The following PRKCI variants were observed in gnomAD, a reference collection of about 807,000 sequenced individuals.
PRKCI encodes the protein protein kinase C iota type.
PRKCI carries 43 observed loss-of-function variants against 84.0 expected under a neutral mutation model. The ratio of observed to expected loss-of-function variants is 0.51; its 90% CI spans 0.40 to 0.66. PRKCI has a LOEUF of 0.66. PRKCI is among the 30% of genes least tolerant of loss of function. PRKCI has a pLI of 0.00. For missense variants in PRKCI, 459 were observed against 745.6 expected, an observed-to-expected ratio of 0.62 and a Z score of 4.48; for synonymous variants, 216 against 234.4, an observed-to-expected ratio of 0.92 and a Z score of 0.72.
intron 2 of PRKCI, among the ~76,000 whole-genome samples, chr3:170,250,378 TCA>T (rs1733410817): frequency 6.7e-6 from 1 of 149,508 alleles, no homozygotes; most frequent in Non-Finnish European, 1.5e-5. Flanking sequence ...TTTAGTATAA[TCA>T]CAGAGTTGTG....
At chr3:170,227,235 C>G (rs1732653433) in intron 1 of PRKCI, among the ~76,000 whole-genome samples, 1 of 152,056 alleles carries the variant, frequency 6.6e-6, no homozygotes, top group Non-Finnish European at 1.5e-5. Context: ...AAATTCCAGT[C>G]TTGCTTAAGA....
At chr3:170,257,444 A>G (rs1733611371) in intron 2 of PRKCI, among the ~76,000 whole-genome samples, 2 of 152,168 alleles carry the variant, frequency 1.3e-5, no homozygotes, top group African/African-American at 4.8e-5. Flanking sequence ...GAACATGGAG[A>G]AAGGATATGA....
intron 6 of PRKCI, 42 bp downstream of exon 6, chr3:170,270,603 G>T (rs370384371): frequency 9.2e-6 from 14 of 1,522,894 alleles, no homozygotes; most frequent in Non-Finnish European, 1.2e-5. Context: ...TTTTAAGAGC[G>T]TGCTTGATAA....
chr3:170,254,821 C>T (rs113292454), intron 2 of PRKCI, among the ~76,000 whole-genome samples: 1 of 152,046 alleles, frequency 6.6e-6, no homozygotes, highest in African/African-American at 2.4e-5. Context: ...TTTGTGGTTC[C>T]ATATAAATTT....
At chr3:170,273,562 C>G (rs182527183) in intron 7 of PRKCI, among the ~76,000 whole-genome samples, 77 of 151,972 alleles carry the variant, frequency 5.1e-4, no homozygotes, top group African/African-American at 1.8e-3. Context: ...CACCTGTAAT[C>G]CCAGCACTTT....
chr3:170,299,309 C>T (rs926330080), intron 17 of PRKCI, among the ~76,000 whole-genome samples, 199 bp downstream of exon 17: 4 of 152,208 alleles, frequency 2.6e-5, no homozygotes, highest in African/African-American at 9.6e-5. Context: ...TCACTGCAAC[C>T]TCTGCCTCCC....
chr3:170,260,675 A>T (rs1577355587), intron 3 of PRKCI, among the ~76,000 whole-genome samples: 1 of 151,564 alleles, frequency 6.6e-6, no homozygotes, highest in Non-Finnish European at 1.5e-5. Flanking sequence ...CTGGTCTCGA[A>T]CTCCTGGCCT....
At position 170,275,214 on chromosome 3, in the gene PRKCI, G is replaced by C. The variant is rs574690503; in HGVS notation, c.647-15G>C. The C allele has an allele frequency of 3.4e-6, 5 of 1,463,954 alleles. No individual in the cohort carries two copies. Among genetic ancestry groups the C allele is most frequent in the Non-Finnish European group, 4.5e-6 (5 of 1,115,188 alleles). 90.7% of individuals were successfully genotyped at this position (1,463,954 alleles called of 1,614,324 possible). A position where few individuals can be genotyped will look rare whatever the true frequency, so the allele number is the denominator to read the frequency against. On this transcript the variant is annotated splice_polypyrimidine_tract_variant and intron_variant, in intron 7 of 17. Transcript: ENST00000295797. ...TTTTTTTTTTTTTTTTTAATGTTTG[G>C]TATTGGGTTTTTAGTAATTCCATAT...
intron 1 of PRKCI, among the ~76,000 whole-genome samples, chr3:170,230,326 C>T (rs1032006394): frequency 1.3e-5 from 2 of 152,022 alleles, no homozygotes; most frequent in South Asian, 2.1e-4. Flanking sequence ...CCACAACACC[C>T]GGCTAATTTT....
In PRKCI at chr3:170,222,613, G is replaced by T. The variant is rs995695184; in HGVS notation, c.-57G>T. 7.6e-6 allele frequency: 11 copies of T among 1,442,782 alleles called. 1 individual carries two copies. Among genetic ancestry groups the T allele is most frequent in the South Asian group, 6.6e-5 (5 of 76,160 alleles). The allele number at this position is 1,442,782 out of a possible 1,614,324, so 89.4% of individuals were successfully genotyped here. On this transcript the variant is annotated 5_prime_UTR_variant, in exon 1 of 18. Transcript: ENST00000295797. ...CGCAGGCGGCGGAGTCCCCCACGGC[G>T]CCCGAAGCGCCCCCCCGCACCCCCG...
At chr3:170,260,164 T>G (rs1733687890) in intron 3 of PRKCI, 106 bp downstream of exon 3, 1 of 715,220 alleles carries the variant, frequency 1.4e-6, no homozygotes, top group East Asian at 2.9e-5. Context: ...TTTCTCAATC[T>G]CTGTGACTCA....
rs140807328 is a variant in PRKCI, at chr3:170,235,314, C to G, written c.186C>G (p.Asn62Lys). The change falls in exon 2 of 18, where the codon AAC becomes AAG. Residue 62 changes from asparagine to lysine, a missense_variant. This residue lies in a region of PRKCI where 250 missense variants were observed against 319.7 expected (regional missense o/e 0.78). Coordinates refer to ENST00000295797, the MANE Select transcript of PRKCI (RefSeq NM_002740.6). ...TTCGAGACATGTGTTCTTTTGACAA[C>G]GAACAGCTCTTCACCATGAAATGGA... is the stretch of plus-strand genomic sequence containing the variant. ...NEVRDMCSFDNEQLFTMKWID... is the reference protein window; with the variant it reads ...NEVRDMCSFDKEQLFTMKWID... The G allele has an allele frequency of 7.4e-6, 12 of 1,613,868 alleles. No homozygotes were observed. The highest frequency in any genetic ancestry group is 8.5e-6 in the Non-Finnish European group (10 of 1,179,952).
At chr3:170,279,523 C>T (rs1321964012) in intron 8 of PRKCI, among the ~76,000 whole-genome samples, 1 of 152,150 alleles carries the variant, frequency 6.6e-6, no homozygotes, top group Non-Finnish European at 1.5e-5. Context: ...TTGCAGGCAT[C>T]TAATAAAAGA....
intron 4 of PRKCI, 24 bp downstream of exon 4, chr3:170,263,453 C>A (rs753130376): frequency 7.8e-6 from 12 of 1,546,860 alleles, no homozygotes; most frequent in Non-Finnish European, 6.2e-6. Flanking sequence ...TACTTCATAC[C>A]TTTTACAAGA....
chr3:170,291,986 G>A (rs1224476398), intron 13 of PRKCI, 45 bp downstream of exon 13: 1 of 1,260,214 alleles, frequency 7.9e-7, no homozygotes, highest in Non-Finnish European at 1.2e-6. Context: ...TGCTAGATGG[G>A]TGGTAAAATG....
rs962396703 is a variant in PRKCI, at chr3:170,303,574, T to C, written c.*447T>C. ...AAATGCAACAACTTTTTATATTACC[T>C]ATTAGTTTTGGAGTTCTTTATGTTT... On this transcript the variant is annotated 3_prime_UTR_variant, in exon 18 of 18. Coordinates refer to ENST00000295797, the MANE Select transcript of PRKCI (RefSeq NM_002740.6). 6 of 228,852 alleles carry C rather than the reference T, an allele frequency of 2.6e-5. No homozygotes were observed. Among genetic ancestry groups the C allele is most frequent in the Non-Finnish European group, 5.2e-5 (6 of 115,478 alleles). The allele number at this position is 228,852 out of a possible 1,614,324, so 14.2% of individuals were successfully genotyped here. A position where few individuals can be genotyped will look rare whatever the true frequency, so the allele number is the denominator to read the frequency against.
intron 12 of PRKCI, among the ~76,000 whole-genome samples, chr3:170,287,908 C>CAAAAAA (rs750366555): frequency 2.0e-5 from 1 of 50,530 alleles, no homozygotes; most frequent in Non-Finnish European, 4.3e-5. Context: ...GACTCTGTCT[C>CAAAAAA]AAAAAAAAAA....
intron 17 of PRKCI, among the ~76,000 whole-genome samples, chr3:170,301,720 A>G (rs1019976015): frequency 2.6e-5 from 4 of 152,118 alleles, no homozygotes; most frequent in Non-Finnish European, 5.9e-5. Flanking sequence ...GCCTCATTCA[A>G]GTCATACCCA....
intron 12 of PRKCI, among the ~76,000 whole-genome samples, chr3:170,285,691 T>C (rs1408323542): frequency 6.6e-6 from 1 of 152,168 alleles, no homozygotes; most frequent in Non-Finnish European, 1.5e-5. Context: ...CTATGTTTGC[T>C]TTTATGTACA....
Sources: gnomAD v4.1 joint callset for allele counts (sites outside exome capture counted in the v4.1 genomes callset) on GRCh38, gnomAD v4.1.1 for gene constraint, gnomAD v4.1.1 regional missense constraint, MANE v1.5 for transcripts, NCBI Gene and HGNC (gene_info 2026-07-23, HGNC 2026-07-21) for gene names.